SLC14A2: variants seen among roughly 807,000 people sequenced by gnomAD.
SLC14A2 encodes the protein urea transporter 2.
SLC14A2 carries 91 observed loss-of-function variants against 104.6 expected under a neutral mutation model. The ratio of observed to expected loss-of-function variants is 0.87; its 90% CI spans 0.73 to 1.04. SLC14A2 has a LOEUF of 1.04. SLC14A2 is among the 50% of genes least tolerant of loss of function. The pLI, the probability that SLC14A2 is intolerant of heterozygous loss-of-function variation, is 0.00. For synonymous variants in SLC14A2, 476 were observed against 466.4 expected (o/e 1.02, Z -0.27); for missense variants, 1,189 against 1,156.0 (o/e 1.03, Z -0.41).
At chr18:45,374,682 C>T (rs2085756010) in intron 1 of SLC14A2, among the ~76,000 whole-genome samples, 2 of 152,214 alleles carry the variant, frequency 1.3e-5, no homozygotes, top group African/African-American at 4.8e-5. Context: ...AAACTTCAGT[C>T]ATCCGTGTGG....
chr18:45,389,612 G>A (rs1168735215), intron 1 of SLC14A2, among the ~76,000 whole-genome samples: 1 of 152,138 alleles, frequency 6.6e-6, no homozygotes, highest in African/African-American at 2.4e-5. Flanking sequence ...TCTACCAAAG[G>A]TTCTTAAAGA....
chr18:45,398,421 G>A (rs1267817299), intron 1 of SLC14A2, among the ~76,000 whole-genome samples: 2 of 152,096 alleles, frequency 1.3e-5, no homozygotes. Context: ...GGATTGGGCA[G>A]GCAGAGGTTT....
chr18:45,663,595 T>C (rs1487638040), intron 10 of SLC14A2, among the ~76,000 whole-genome samples, 190 bp from the exon 11 acceptor site: 3 of 152,138 alleles, frequency 2.0e-5, no homozygotes, highest in African/African-American at 7.2e-5. Flanking sequence ...GGAGAGGAAG[T>C]AGAAGTTTTA....
At position 45,669,404 on chromosome 18, in the gene SLC14A2, C is replaced by T. The variant is rs1028463009; in HGVS notation, c.2135C>T (p.Ala712Val). 1.2e-6 allele frequency: 2 copies of T among 1,613,642 alleles called. No homozygotes were observed. The highest frequency in any genetic ancestry group is 1.7e-6 in the Non-Finnish European group (2 of 1,179,936). ...FNITVTLYLA[A>V]TGHYNLFFPT... is the part of the protein sequence containing the mutation. ...ATCACTGTGACTTTGTACCTGGCAG[C>T]CACGGGCCACTACAACCTTTTCTTC... Residue 712 changes from alanine to valine, a missense_variant, in exon 16 of 20, where the codon GCC becomes GTC. Transcript: ENST00000255226.
chr18:45,335,005 A>T (rs2085325418), intron 1 of SLC14A2, among the ~76,000 whole-genome samples: 1 of 152,222 alleles, frequency 6.6e-6, no homozygotes, highest in African/African-American at 2.4e-5. Flanking sequence ...TTATTTACAT[A>T]TGTATATATT....
intron 1 of SLC14A2, among the ~76,000 whole-genome samples, chr18:45,316,507 G>A (rs951724184): frequency 3.3e-5 from 5 of 152,198 alleles, no homozygotes; most frequent in African/African-American, 1.2e-4. Flanking sequence ...ATAGGAAATT[G>A]GATTTGTCAT....
At chr18:45,638,663 C>A (rs1258758807) in intron 6 of SLC14A2, among the ~76,000 whole-genome samples, 1 of 152,170 alleles carries the variant, frequency 6.6e-6, no homozygotes, top group Non-Finnish European at 1.5e-5. Context: ...GAACCACTGA[C>A]CTAATCAATT....
At chr18:45,289,515 A>C (rs932223995) in intron 1 of SLC14A2, among the ~76,000 whole-genome samples, 1 of 152,178 alleles carries the variant, frequency 6.6e-6, no homozygotes, top group Non-Finnish European at 1.5e-5. Flanking sequence ...ATAAACTCTA[A>C]TGAAGCACAG....
chr18:45,403,264 C>T (rs1277654461), intron 1 of SLC14A2, among the ~76,000 whole-genome samples: 1 of 152,144 alleles, frequency 6.6e-6, no homozygotes, highest in Non-Finnish European at 1.5e-5. Flanking sequence ...GGGGTCCACC[C>T]TTATGACCTC....
At chr18:45,625,900 G>T in intron 3 of SLC14A2, 37 bp downstream of exon 3, 1 of 1,379,018 alleles carries the variant, frequency 7.3e-7, no homozygotes. Flanking sequence ...GCCAGACCAG[G>T]CCAGGCCAGA....
the SLC14A2 span, among the ~76,000 whole-genome samples, chr18:45,172,325 A>AGCC: frequency 6.6e-6 from 1 of 152,138 alleles, no homozygotes; most frequent in East Asian, 1.9e-4. Flanking sequence ...ATTTATAATA[A>AGCC]GCCAGCATCA....
At chr18:45,534,467 G>A (rs2144840529) in intron 2 of SLC14A2, among the ~76,000 whole-genome samples, 1 of 152,306 alleles carries the variant, frequency 6.6e-6, no homozygotes, top group South Asian at 2.1e-4. Flanking sequence ...ACTATACTGT[G>A]TAAGCAGGCC....
At chr18:45,392,948 T>C (rs2085987823) in intron 1 of SLC14A2, among the ~76,000 whole-genome samples, 2 of 152,230 alleles carry the variant, frequency 1.3e-5, no homozygotes, top group Non-Finnish European at 2.9e-5. Context: ...ATACCTTATG[T>C]GATCATATTG....
At chr18:45,173,589 C>T in the SLC14A2 span, among the ~76,000 whole-genome samples, 1 of 151,958 alleles carries the variant, frequency 6.6e-6, no homozygotes, top group Non-Finnish European at 1.5e-5. Context: ...TGTTTGGGTG[C>T]TGATGGGCTA....
the SLC14A2 span, among the ~76,000 whole-genome samples, chr18:45,170,190 T>C: frequency 1.3e-5 from 2 of 152,116 alleles, no homozygotes; most frequent in Admixed American, 1.3e-4. Context: ...GGTTCATCAT[T>C]CTTCATAGTT....
At chr18:45,569,250 C>CTTCT (rs1333433387) in intron 2 of SLC14A2, among the ~76,000 whole-genome samples, 1 of 152,164 alleles carries the variant, frequency 6.6e-6, no homozygotes, top group Non-Finnish European at 1.5e-5. Context: ...ATCTGTTGCC[C>CTTCT]TTCTCCCGTC....
rs1051181378 is a variant in SLC14A2 at position 45,522,427 on chromosome 18, C to T, written c.-35+39105C>T. ...GGGAGAGTTTGAGCCCTGCCATCCC[C>T]AGAGCGGCAGCTTCCCGGCACCATC... On this transcript the variant is annotated intron_variant, in intron 2 of 20. Transcript: ENST00000586448. Among the ~76,000 whole-genome samples the T allele has an allele frequency of 2.0e-5, 3 of 152,288 alleles. 1 individual carries two copies. The highest frequency in any genetic ancestry group is 2.0e-4 in the Admixed American group (3 of 15,294).
At chr18:45,233,850 G>A (rs973676246) in intron 1 of SLC14A2, among the ~76,000 whole-genome samples, 1 of 146,792 alleles carries the variant, frequency 6.8e-6, no homozygotes, top group African/African-American at 2.5e-5. Context: ...GTAAAAAAGT[G>A]GAGTTGCTTC....
At chr18:45,481,061 C>A (rs2087483628) in intron 1 of SLC14A2, among the ~76,000 whole-genome samples, 1 of 152,046 alleles carries the variant, frequency 6.6e-6, no homozygotes, top group Non-Finnish European at 1.5e-5. Flanking sequence ...GGTTGTCAGA[C>A]AGGCTAAGAG....
Sources: allele counts gnomAD v4.1 joint callset (sites outside exome capture counted in the v4.1 genomes callset), GRCh38; gene constraint gnomAD v4.1.1; transcripts MANE v1.5; gene names NCBI Gene and HGNC (gene_info 2026-07-23, HGNC 2026-07-21).